Variants in CCT3 observed in about 807,000 individuals in gnomAD.
CCT3 encodes the protein T-complex protein 1 subunit gamma.
A neutral mutation model predicts 65.3 loss-of-function variants in CCT3; 10 were observed. The observed-to-expected ratio is 0.15, with a 90% CI of 0.09 to 0.26. The LOEUF (loss-of-function observed/expected upper bound fraction) is 0.26, where lower values mean the gene tolerates loss of function less well. CCT3 is among the 10% of genes least tolerant of loss of function. The probability of loss-of-function intolerance (pLI) is 1.00; values close to 1 mark genes in which losing one functional copy is unlikely to be tolerated. For missense variants in CCT3, 626 were observed against 708.7 expected, an observed-to-expected ratio of 0.88 and a Z score of 1.33; for synonymous variants, 225 against 242.3, an observed-to-expected ratio of 0.93 and a Z score of 0.66.
Position 156,312,156 on chromosome 1 carries a change from G to T in CCT3, c.1040C>A (p.Ala347Glu). ...ELREDDVGTG[A>E]GLLEIKKIGD... is the part of the protein sequence containing the mutation. ...AATTTTCTTGATTTCCAACAGGCCT[G>T]CTCCTGTTCCAACATCATCTTCTCT... The change falls in exon 11 of 14, where the codon GCA becomes GAA. Residue 347 changes from alanine (A) to glutamate (E), a missense_variant. Coordinates refer to ENST00000295688, the MANE Select transcript of CCT3 (RefSeq NM_005998.5). 6.2e-7 allele frequency: 1 copy of T among 1,614,052 alleles called. No individual in the cohort carries two copies.
chr1:156,321,560 A>G lies in CCT3; in HGVS notation c.423-535T>C, dbSNP rs138634961. On this transcript the variant is annotated intron_variant, in intron 6 of 13. Transcript: ENST00000295688. ...TTATATTACTTTCACTCCTCACAAG[A>G]TATTTTCACATAATGCTAAAATCTC... is the stretch of plus-strand genomic sequence containing the variant. Among the ~76,000 whole-genome samples, 281 of 152,286 alleles carry G rather than the reference A, an allele frequency of 1.8e-3. 1 individual carries two copies. Among genetic ancestry groups the G allele is most frequent in the East Asian group, 9.8e-3 (51 of 5,180 alleles).
intron 6 of CCT3, among the ~76,000 whole-genome samples, chr1:156,322,779 A>C (rs1256977876): frequency 6.6e-6 from 1 of 152,112 alleles, no homozygotes; most frequent in African/African-American, 2.4e-5. Context: ...AAACTGCTTG[A>C]AGCCAGGGAG....
intron 5 of CCT3, among the ~76,000 whole-genome samples, chr1:156,328,743 C>T (rs1211671433): frequency 1.3e-5 from 2 of 152,064 alleles, no homozygotes; most frequent in Non-Finnish European, 2.9e-5. Context: ...GTCCTCTGCC[C>T]AGGAAAACCA....
Position 156,315,592 on chromosome 1 carries a change from G to T in CCT3, c.974+1574C>A, listed in dbSNP as rs116760762. Among the ~76,000 whole-genome samples the T allele has an allele frequency of 9.0e-3, 1,376 of 152,292 alleles. 23 individuals carry two copies. The highest frequency in any genetic ancestry group is 0.031 in the African/African-American group (1,303 of 41,570). On this transcript the variant is annotated intron_variant, in intron 10 of 13. Transcript: ENST00000295688. ...ATAACACATATGATATACAAAATAT[G>T]TGATAGTTAATTGTGTTATTGGTAA...
chr1:156,316,881 A>C (rs1475735414), intron 10 of CCT3, among the ~76,000 whole-genome samples: 1 of 152,200 alleles, frequency 6.6e-6, no homozygotes, highest in South Asian at 2.1e-4. Flanking sequence ...AAAACCTCTT[A>C]GATAGGCAGT....
At chr1:156,334,239 C>CAA (rs34500374) in intron 4 of CCT3, among the ~76,000 whole-genome samples, 2 of 118,442 alleles carry the variant, frequency 1.7e-5, no homozygotes, top group Non-Finnish European at 3.7e-5. Context: ...GACTCCGTCT[C>CAA]AAAAAAAAAA....
chr1:156,327,644 C>A (rs1432461667), intron 5 of CCT3, among the ~76,000 whole-genome samples: 1 of 152,032 alleles, frequency 6.6e-6, no homozygotes, highest in Admixed American at 6.6e-5. Context: ...CTCGCTACAA[C>A]CACCTCCCAG....
In CCT3 at chr1:156,325,068, G is replaced by T; in HGVS notation, c.326C>A (p.Ala109Asp). ...IILAGEMLSVAEHFLEQQMHP... is the reference protein window; with the variant it reads ...IILAGEMLSVDEHFLEQQMHP... ...CATCTGCTGCTCCAGGAAGTGCTCA[G>T]CTACAGACAGCATTTCCCCTGCTGA... The change falls in exon 6 of 14, where the codon GCT becomes GAT. Residue 109 changes from alanine (A) to aspartate (D), a missense_variant. Transcript: ENST00000295688. 1 of 1,612,144 alleles carries T rather than the reference G, an allele frequency of 6.2e-7. No homozygotes were observed.
At position 156,317,439 on chromosome 1, in the gene CCT3, C is replaced by T; in HGVS notation, c.868G>A (p.Val290Ile). ...CCTGAGATGCCCTTTTCAGTGATGA[C>T]CACATCGGGCTTCAGTTGGATAATG... ...EDIIQLKPDV[V>I]ITEKGISDLA... is the part of the protein sequence containing the mutation. Residue 290 changes from valine (V) to isoleucine (I), a missense_variant, in exon 9 of 14, where the codon GTC becomes ATC. Transcript: ENST00000295688. 1 of 1,613,512 alleles carries T rather than the reference C, an allele frequency of 6.2e-7. No individual in the cohort carries two copies. The highest frequency in any genetic ancestry group is 8.5e-7 in the Non-Finnish European group (1 of 1,179,518).
intron 10 of CCT3, 132 bp from the exon 11 acceptor site, chr1:156,312,353 C>CG (rs1416351950): frequency 1.2e-5 from 9 of 739,076 alleles, no homozygotes; most frequent in Non-Finnish European, 1.9e-5. Flanking sequence ...GAGGTCTTGC[C>CG]TGTCCGGTGA....
chr1:156,310,174 T>C (rs1012962233), intron 13 of CCT3, among the ~76,000 whole-genome samples: 1 of 152,056 alleles, frequency 6.6e-6, no homozygotes, highest in African/African-American at 2.4e-5. Flanking sequence ...TAGAGGAATA[T>C]TCTGCCTTCT....
intron 10 of CCT3, among the ~76,000 whole-genome samples, chr1:156,312,764 T>C (rs1664137619): frequency 6.6e-6 from 1 of 152,234 alleles, no homozygotes; most frequent in Admixed American, 6.5e-5. Context: ...GAAAACCCTG[T>C]GCTTTTTGAG....
intron 4 of CCT3, among the ~76,000 whole-genome samples, chr1:156,334,239 CAA>C (rs34500374): frequency 0.25 from 29,737 of 118,334 alleles, 2,870 homozygotes; most frequent in Admixed American, 0.36. Flanking sequence ...GACTCCGTCT[CAA>C]AAAAAAAAAA....
intron 1 of CCT3, 171 bp from the exon 2 acceptor site, chr1:156,336,059 ATCTC>A: frequency 2.0e-6 from 1 of 499,226 alleles, no homozygotes; most frequent in African/African-American, 1.9e-5. Flanking sequence ...TGTCAACCAT[ATCTC>A]AAAAAACTGT....
chr1:156,322,112 A>C (rs1253389008), intron 6 of CCT3, among the ~76,000 whole-genome samples: 1 of 152,198 alleles, frequency 6.6e-6, no homozygotes, highest in Non-Finnish European at 1.5e-5. Flanking sequence ...CGTGGTGGAC[A>C]TACCTATAGT....
At chr1:156,319,119 T>G in intron 7 of CCT3, 102 bp from the exon 8 acceptor site, 2 of 1,110,390 alleles carry the variant, frequency 1.8e-6, no homozygotes, top group Non-Finnish European at 2.5e-6. Flanking sequence ...TTTCAGGTTT[T>G]TTTTTTTTTT....
intron 10 of CCT3, among the ~76,000 whole-genome samples, chr1:156,312,864 G>A (rs184778783): frequency 1.3e-5 from 2 of 152,268 alleles, no homozygotes; most frequent in East Asian, 3.9e-4. Flanking sequence ...TTGAAAAAAT[G>A]TGAAATCATT....
chr1:156,338,002 G>C (rs1665521656), intron 1 of CCT3, 152 bp downstream of exon 1: 3 of 801,726 alleles, frequency 3.7e-6, no homozygotes, highest in Admixed American at 2.2e-5. Flanking sequence ...TAAGAGAAGA[G>C]AGGAAAGCGG....
At position 156,317,445 on chromosome 1, in the gene CCT3, C is replaced by T. The variant is rs771153078; in HGVS notation, c.862G>A (p.Asp288Asn). The change falls in exon 9 of 14, where the codon GAT (aspartate) becomes AAT (asparagine). Residue 288 changes from aspartate (D) to asparagine (N), a missense_variant. Coordinates refer to ENST00000295688, the MANE Select transcript of CCT3 (RefSeq NM_005998.5). ...ATGCCCTTTTCAGTGATGACCACATCGGGCTTCAGTTGGATAATGTCCTCA... is the reference window on the plus strand; with the variant it reads ...ATGCCCTTTTCAGTGATGACCACATTGGGCTTCAGTTGGATAATGTCCTCA... ...LCEDIIQLKPDVVITEKGISD... is the reference protein window; with the variant it reads ...LCEDIIQLKPNVVITEKGISD... The T allele has an allele frequency of 2.4e-5, 39 of 1,613,646 alleles. No homozygotes were observed. The South Asian group carries it at 2.7e-4, about 11-fold the overall frequency.
Sources: allele counts gnomAD v4.1 joint callset (sites outside exome capture counted in the v4.1 genomes callset), GRCh38; gene constraint gnomAD v4.1.1; transcripts MANE v1.5; gene names NCBI Gene and HGNC (gene_info 2026-07-23, HGNC 2026-07-21).